RABGAP1: variants seen among roughly 807,000 people sequenced by gnomAD.
RABGAP1 encodes RAB GTPase activating protein 1, also known as rab GTPase-activating protein 1.
Under a neutral mutation model 137.6 loss-of-function variants are expected in RABGAP1, and 23 were observed. The observed-to-expected ratio is 0.17, with a 90% confidence interval of 0.12 to 0.24. The LOEUF (loss-of-function observed/expected upper bound fraction) is 0.24, where lower values mean the gene tolerates loss of function less well. Ranked by LOEUF, RABGAP1 falls within the 10% of genes least tolerant of loss-of-function variation. The pLI, the probability that RABGAP1 is intolerant of heterozygous loss-of-function variation, is 1.00. For synonymous variants in RABGAP1, 451 were observed against 450.7 expected, an observed-to-expected ratio of 1.00 and a Z score of -0.01; for missense variants, 906 against 1,275.8, an observed-to-expected ratio of 0.71 and a Z score of 4.42.
chr9:122,959,040 AATAT>A (rs2131631290), intron 2 of RABGAP1, among the ~76,000 whole-genome samples: 1 of 152,222 alleles, frequency 6.6e-6, no homozygotes, highest in East Asian at 1.9e-4. Context: ...CTTACTCATA[AATAT>A]ATAGAGGAAT....
chr9:123,008,164 A>G (rs959687559), intron 10 of RABGAP1, among the ~76,000 whole-genome samples: 1 of 152,146 alleles, frequency 6.6e-6, no homozygotes, highest in African/African-American at 2.4e-5. Flanking sequence ...CCAGTAATTG[A>G]CTGTATTTAT....
At chr9:123,029,525 A>G (rs545165313) in intron 13 of RABGAP1, 1 of 812,312 alleles carries the variant, frequency 1.2e-6, no homozygotes, top group East Asian at 2.5e-5. Flanking sequence ...TCAAATCTTC[A>G]GTCTCTTAGA....
chr9:122,996,826 A>C (rs1837043965), intron 8 of RABGAP1: 3 of 494,770 alleles, frequency 6.1e-6, no homozygotes, highest in Middle Eastern at 5.4e-4. Context: ...GTGGTGATAA[A>C]ATTCTTGTTT....
At chr9:123,060,933 G>A (rs137871657) in intron 13 of RABGAP1, among the ~76,000 whole-genome samples, 70 of 152,238 alleles carry the variant, frequency 4.6e-4, no homozygotes, top group African/African-American at 1.7e-3. Context: ...AAGTTTCTGA[G>A]GGCAAAGCAT....
intron 8 of RABGAP1, chr9:122,997,004 TCAA>T (rs1837054279): frequency 1.7e-6 from 1 of 587,100 alleles, no homozygotes; most frequent in Non-Finnish European, 3.1e-6. Context: ...AAAGAAGAAT[TCAA>T]CATTGGATTT....
chr9:123,048,095 A>C (rs1464907838), intron 13 of RABGAP1, among the ~76,000 whole-genome samples: 5 of 151,876 alleles, frequency 3.3e-5, no homozygotes, highest in Admixed American at 1.3e-4. Flanking sequence ...GTGCATCACC[A>C]CGCCCAGCTA....
chr9:123,011,376 A>G lies in RABGAP1; in HGVS notation c.1549+848A>G, dbSNP rs1409577206. 2.0e-5 allele frequency among the ~76,000 whole-genome samples: 3 copies of G among 152,170 alleles called. No individual in the cohort carries two copies. In the South Asian group the frequency reaches 6.2e-4, roughly 32 times the overall value. ...GTGGAGTTCCTTGGAATTTCTAGTT[A>G]AGAAGTTGCATTAACAAAAGCATGG... On this transcript the variant is annotated intron_variant, in intron 11 of 25. Transcript: ENST00000373647.
intron 2 of RABGAP1, among the ~76,000 whole-genome samples, chr9:122,982,294 TTA>T (rs1368677894): frequency 6.6e-6 from 1 of 152,204 alleles, no homozygotes; most frequent in African/African-American, 2.4e-5. Flanking sequence ...TTTATAAAAT[TTA>T]TAAAGTAGGG....
intron 13 of RABGAP1, among the ~76,000 whole-genome samples, chr9:123,058,018 G>GGC (rs1198198803): frequency 1.4e-5 from 2 of 138,218 alleles, no homozygotes; most frequent in Non-Finnish European, 3.1e-5. Flanking sequence ...GTCCAGCCTC[G>GGC]GCTCGGCATC....
chr9:123,034,684 G>A (rs1181909315), intron 13 of RABGAP1: 1 of 1,612,804 alleles, frequency 6.2e-7, no homozygotes, highest in Non-Finnish European at 8.5e-7. Flanking sequence ...CTTTCTAACT[G>A]TATTGATTAT....
In RABGAP1 at chr9:122,989,448, T is replaced by C; in HGVS notation, c.742T>C (p.Phe248Leu). The change falls in exon 5 of 26, where the codon TTC becomes CTC. Residue 248 changes from phenylalanine to leucine, a missense_variant. Phe to Leu is a conservative substitution (Grantham distance 22, BLOSUM62 0). Transcript: ENST00000373647. The part of the protein sequence containing the change: ...YNAELFRIHV[F>L]RCEIQEAVSR... ...TGCAGAGCTCTTCAGAATACACGTC[T>C]TCCGGTGTGAAATACAAGAAGCTGT... 1.2e-6 allele frequency: 2 copies of C among 1,614,008 alleles called. No homozygotes were observed. Among genetic ancestry groups the C allele is most frequent in the Non-Finnish European group, 8.5e-7 (1 of 1,180,002 alleles).
At chr9:123,012,685 T>A (rs939743631) in intron 11 of RABGAP1, among the ~76,000 whole-genome samples, 2 of 151,962 alleles carry the variant, frequency 1.3e-5, no homozygotes, top group African/African-American at 4.8e-5. Context: ...AGGAAAAGAG[T>A]GTCTGCTTTT....
At chr9:122,959,286 A>G (rs1834715194) in intron 2 of RABGAP1, among the ~76,000 whole-genome samples, 1 of 151,580 alleles carries the variant, frequency 6.6e-6, no homozygotes, top group South Asian at 2.1e-4. Flanking sequence ...AAAAAGCAGT[A>G]AAGGATGAGA....
chr9:123,048,897 C>A (rs1268417554), intron 13 of RABGAP1, among the ~76,000 whole-genome samples: 1 of 152,172 alleles, frequency 6.6e-6, no homozygotes, highest in African/African-American at 2.4e-5. Context: ...CTTATTTATA[C>A]ATGATTTGGG....
At chr9:123,065,758 C>T (rs2034149365) in intron 14 of RABGAP1, among the ~76,000 whole-genome samples, 1 of 152,188 alleles carries the variant, frequency 6.6e-6, no homozygotes, top group Admixed American at 6.5e-5. Flanking sequence ...AACCTCTGAG[C>T]CCTGTGACAC....
chr9:122,989,954 T>TA lies in RABGAP1; in HGVS notation c.766-99dup, dbSNP rs577376084. The TA allele has an allele frequency of 1.6e-3, 1,978 of 1,272,580 alleles. 7 individuals are homozygous for TA. The highest frequency in any genetic ancestry group is 3.7e-3 in the Middle Eastern group (19 of 5,096). 78.8% of individuals were successfully genotyped at this position (1,272,580 alleles called of 1,614,324 possible). On this transcript the variant is annotated intron_variant, in intron 5 of 25. Transcript: ENST00000373647. ...AATTTACCAAAAGAAATAAGTGGGATAAAGATAATTATTGCCCTCCAAAGT... is the reference window on the plus strand; with the variant it reads ...AATTTACCAAAAGAAATAAGTGGGATAAAAGATAATTATTGCCCTCCAAAGT...
At position 123,070,441 on chromosome 9, in the gene RABGAP1, C is replaced by T. The variant is rs2034317506; in HGVS notation, c.1983+17C>T. 1 of 1,613,870 alleles carries T rather than the reference C, an allele frequency of 6.2e-7. No homozygotes were observed. The highest frequency in any genetic ancestry group is 1.1e-5 in the South Asian group (1 of 91,070). Reference sequence around the variant, plus strand: ...CTTCTCCATGTGAGTAATTAGGTCTCTGTTATGACTTAACACATGGCCTCC... The same window carrying T: ...CTTCTCCATGTGAGTAATTAGGTCTTTGTTATGACTTAACACATGGCCTCC... On this transcript the variant is annotated intron_variant, in intron 15 of 25. Transcript: ENST00000373647. The surrounding 1 kb of genome is among the most constrained non-coding windows in gnomAD (Gnocchi z 4.4).
intron 21 of RABGAP1, among the ~76,000 whole-genome samples, chr9:123,095,990 A>G (rs191492541): frequency 5.9e-5 from 9 of 152,302 alleles, no homozygotes; most frequent in East Asian, 1.9e-4. Flanking sequence ...CATATAATCT[A>G]TTTGGGTGAA....
intron 10 of RABGAP1, among the ~76,000 whole-genome samples, chr9:123,008,816 C>CA (rs1300863814): frequency 2.6e-5 from 4 of 151,302 alleles, no homozygotes; most frequent in Non-Finnish European, 4.4e-5. Flanking sequence ...TCCTTCCTTT[C>CA]AAAAAAAAGA....
Sources: gnomAD v4.1 joint callset for allele counts (sites outside exome capture counted in the v4.1 genomes callset) on GRCh38, gnomAD v4.1.1 for gene constraint, Gnocchi (gnomAD v3.1) non-coding constraint, MANE v1.5 for transcripts, NCBI Gene and HGNC (gene_info 2026-07-23, HGNC 2026-07-21) for gene names.